The following EIF3H variants were observed in gnomAD, a reference collection of about 807,000 sequenced individuals.
The protein encoded by EIF3H is eukaryotic translation initiation factor 3 subunit H, also known as eIF-3-gamma.
In EIF3H, 26 loss-of-function variants were observed where a neutral mutation model predicts 44.2. The ratio of observed to expected loss-of-function variants is 0.59; its 90% confidence interval spans 0.43 to 0.82. The LOEUF (loss-of-function observed/expected upper bound fraction) is 0.82. EIF3H is among the 40% of genes least tolerant of loss of function. EIF3H has a pLI of 0.00. For synonymous variants in EIF3H, 166 were observed against 151.9 expected (o/e 1.09, Z -0.68); for missense variants, 359 against 432.8 (o/e 0.83, Z 1.51).
chr8:116,667,335 GA>G (rs1281558668), intron 2 of EIF3H, among the ~76,000 whole-genome samples: 1 of 151,970 alleles, frequency 6.6e-6, no homozygotes, highest in Admixed American at 6.6e-5. Flanking sequence ...ACTATTTTAA[GA>G]AGACATTTCT....
At position 116,642,790 on chromosome 8, in the gene EIF3H, C is replaced by T. The variant is rs1425164802; in HGVS notation, c.*2216G>A. ...AATCAAATGCCGAACAGAAGCTATTCCCTAACACTACATACTGTGGCGAGT... is the reference window on the plus strand; with the variant it reads ...AATCAAATGCCGAACAGAAGCTATTTCCTAACACTACATACTGTGGCGAGT... On this transcript the variant is annotated 3_prime_UTR_variant, in exon 8 of 8. Coordinates refer to ENST00000521861, the MANE Select transcript of EIF3H (RefSeq NM_003756.3). The T allele has an allele frequency of 6.6e-6, 1 of 152,166 alleles. No individual in the cohort carries two copies. Among genetic ancestry groups the T allele is most frequent in the Non-Finnish European group, 1.5e-5 (1 of 68,032 alleles). The allele number at this position is 152,166 out of a possible 1,614,324, so 9.4% of individuals were successfully genotyped here.
At chr8:116,765,273 G>A (rs1165212744) in intron 1 of EIF3H, among the ~76,000 whole-genome samples, 1 of 152,160 alleles carries the variant, frequency 6.6e-6, no homozygotes, top group Non-Finnish European at 1.5e-5. Flanking sequence ...AAGTTTAAAT[G>A]AAAGCAACCA....
chr8:116,745,298 TATC>T (rs146544623), intron 1 of EIF3H, among the ~76,000 whole-genome samples: 2,196 of 152,306 alleles, frequency 0.014, 58 homozygotes, highest in African/African-American at 0.051. Context: ...CTAAAAATCA[TATC>T]AACAATGTAA....
intron 5 of EIF3H, among the ~76,000 whole-genome samples, chr8:116,650,352 T>C (rs1039839490): frequency 1.3e-5 from 2 of 152,150 alleles, no homozygotes; most frequent in Non-Finnish European, 2.9e-5. Context: ...CAAATTACCA[T>C]ATAACCCAGC....
chr8:116,698,914 A>T (rs552968778), intron 2 of EIF3H, among the ~76,000 whole-genome samples: 3 of 152,302 alleles, frequency 2.0e-5, no homozygotes, highest in African/African-American at 7.2e-5. Context: ...TTGGGAGGCC[A>T]AGACAGGCAG....
At chr8:116,658,489 C>T in intron 3 of EIF3H, 1 of 230,078 alleles carries the variant, frequency 4.3e-6, no homozygotes, top group Non-Finnish European at 8.4e-6. Flanking sequence ...ACGTACAGAG[C>T]CAGACACTCT....
intron 2 of EIF3H, among the ~76,000 whole-genome samples, chr8:116,674,325 G>C (rs1311863781): frequency 3.1e-4 from 45 of 143,648 alleles, no homozygotes; most frequent in Middle Eastern, 7.1e-3. Flanking sequence ...TGGAGGTGGG[G>C]GGGGGTGGGG....
In EIF3H at chr8:116,755,723, G is replaced by C. The variant is rs1563664345; in HGVS notation, c.75C>G (p.Gly25=). The C allele has an allele frequency of 1.7e-5, 28 of 1,614,020 alleles. No homozygotes were observed. The highest frequency in any genetic ancestry group is 2.4e-5 in the Non-Finnish European group (28 of 1,180,046). Residue 25 remains glycine (G), a synonymous_variant, in exon 1 of 8, where the codon GGC becomes GGG. Transcript: ENST00000521861. ...SSSTAGAAGK[G]KGKGGSGDSA... ...AATCTCCCGAGCCGCCTTTGCCTTT[G>C]CCTTTCCCTGCTGCGCCGGCGGTGG...
rs796801182 is a variant in EIF3H at position 116,688,152 on chromosome 8, A to G, written c.290-29172T>C. Among the ~76,000 whole-genome samples, 5 of 152,174 alleles carry G rather than the reference A, an allele frequency of 3.3e-5. No homozygotes were observed. The South Asian group carries it at 1.0e-3, about 31-fold the overall frequency. On this transcript the variant is annotated intron_variant, in intron 2 of 7. Coordinates refer to ENST00000521861, the MANE Select transcript of EIF3H (RefSeq NM_003756.3). ...CATTCCAAAAATTTTGCAACAAGCCACTACTGACAAGCTTACCACAAGCTA... is the reference window on the plus strand; with the variant it reads ...CATTCCAAAAATTTTGCAACAAGCCGCTACTGACAAGCTTACCACAAGCTA...
intron 1 of EIF3H, among the ~76,000 whole-genome samples, chr8:116,736,287 T>G (rs79385727): frequency 0.12 from 17,697 of 152,272 alleles, 1,334 homozygotes; most frequent in East Asian, 0.42. Context: ...GTGGGGAAAC[T>G]ATTCTATTAA....
upstream of EIF3H, chr8:116,755,830 G>A (rs201280343): frequency 3.1e-6 from 5 of 1,608,902 alleles, no homozygotes; most frequent in East Asian, 2.2e-5. Flanking sequence ...AGAGAAACGT[G>A]AGTTACCGGA....
chr8:116,755,760 G>A lies in EIF3H; in HGVS notation c.38C>T (p.Thr13Ile), dbSNP rs771259150. 1 of 1,614,112 alleles carries A rather than the reference G, an allele frequency of 6.2e-7. No homozygotes were observed. Among genetic ancestry groups the A allele is most frequent in the Admixed American group, 1.7e-5 (1 of 60,024 alleles). ...SRKEGTGSTA[T>I]SSSSTAGAAG... ...TGCGCCGGCGGTGGAGCTGGAAGAG[G>A]TGGCAGTAGAGCCGGTACCTTCCTT... Residue 13 changes from threonine to isoleucine, a missense_variant, in exon 1 of 8, where the codon ACC becomes ATC. Transcript: ENST00000521861.
At chr8:116,747,618 T>A (rs190701847) in intron 1 of EIF3H, among the ~76,000 whole-genome samples, 7 of 152,296 alleles carry the variant, frequency 4.6e-5, no homozygotes, top group Admixed American at 2.6e-4. Context: ...CATATAATTT[T>A]TTTTGTTGTT....
At chr8:116,755,860 C>A (rs1243143659), upstream of EIF3H, 1 of 1,597,366 alleles carries the variant, frequency 6.3e-7, no homozygotes, top group African/African-American at 1.3e-5. Context: ...ACAAGTCTCG[C>A]GTGACGTCAC....
At chr8:116,696,648 A>G (rs1165272883) in intron 2 of EIF3H, among the ~76,000 whole-genome samples, 1 of 152,204 alleles carries the variant, frequency 6.6e-6, no homozygotes, top group Non-Finnish European at 1.5e-5. Flanking sequence ...ATTTCTGCCT[A>G]AAATACAGAG....
intron 1 of EIF3H, among the ~76,000 whole-genome samples, chr8:116,753,839 T>C (rs1199707142): frequency 6.6e-6 from 1 of 152,258 alleles, no homozygotes; most frequent in East Asian, 1.9e-4. Context: ...CAAATAGATT[T>C]ATGCCACCGA....
exon 1 of EIF3H, chr8:116,765,525 A>G (rs184192279): frequency 2.6e-5 from 4 of 152,322 alleles, no homozygotes; most frequent in Non-Finnish European, 5.9e-5. Context: ...CTTGAAGTGG[A>G]TACTCGACAG....
rs1452451793 is a variant in EIF3H at position 116,642,452 on chromosome 8, T to C, written c.*2554A>G. The C allele has an allele frequency of 6.6e-6, 1 of 152,230 alleles. No homozygotes were observed. The highest frequency in any genetic ancestry group is 1.5e-5 in the Non-Finnish European group (1 of 68,024). The allele number at this position is 152,230 out of a possible 1,614,324, so 9.4% of individuals were successfully genotyped here. On this transcript the variant is annotated 3_prime_UTR_variant, in exon 8 of 8. Transcript: ENST00000521861. ...AAAATTATTTTAGTTTAAGTTGATA[T>C]TAAAAACACATTGGGAGCAGGAATC...
intron 2 of EIF3H, among the ~76,000 whole-genome samples, chr8:116,660,873 C>T (rs762524428): frequency 6.6e-6 from 1 of 152,130 alleles, no homozygotes; most frequent in African/African-American, 2.4e-5. Context: ...AGTCATATAA[C>T]CTATGCTATA....
Sources: gnomAD v4.1 joint callset for allele counts (sites outside exome capture counted in the v4.1 genomes callset) on GRCh38, gnomAD v4.1.1 for gene constraint, MANE v1.5 for transcripts, NCBI Gene and HGNC (gene_info 2026-07-23, HGNC 2026-07-21) for gene names.